The following DCT variants were observed in gnomAD, a reference collection of about 807,000 sequenced individuals.
DCT encodes the protein dopachrome tautomerase.
Under a neutral mutation model 53.0 loss-of-function variants are expected in DCT, and 47 were observed. The observed-to-expected ratio is 0.89, with a 90% CI of 0.70 to 1.13. The LOEUF is 1.13. Ranked by LOEUF, DCT falls within the 50% of genes most tolerant of loss-of-function variation. The pLI, the probability that DCT is intolerant of heterozygous loss-of-function variation, is 0.00. For missense variants in DCT, 669 were observed against 637.4 expected, an observed-to-expected ratio of 1.05 and a Z score of -0.53; for synonymous variants, 244 against 237.0, an observed-to-expected ratio of 1.03 and a Z score of -0.27.
the DCT span, among the ~76,000 whole-genome samples, chr13:94,542,417 C>G: frequency 6.6e-6 from 1 of 152,146 alleles, no homozygotes; most frequent in Admixed American, 6.5e-5. Flanking sequence ...TCTCAAAGTC[C>G]TGACCTCAAG....
chr13:94,467,950 T>C (rs1884340583), intron 2 of DCT: 1 of 152,138 alleles, frequency 6.6e-6, no homozygotes, highest in Non-Finnish European at 1.5e-5. Context: ...TGGCTTTCCT[T>C]TGACTGAAAA....
At chr13:94,471,403 A>C (rs1385311392) in intron 1 of DCT, among the ~76,000 whole-genome samples, 1 of 152,208 alleles carries the variant, frequency 6.6e-6, no homozygotes, top group East Asian at 1.9e-4. Context: ...TGAAAAAAGG[A>C]AAAATTCTAC....
chr13:94,526,216 CT>C, the DCT span, among the ~76,000 whole-genome samples: 9 of 152,352 alleles, frequency 5.9e-5, 1 homozygote, highest in South Asian at 1.9e-3. Context: ...CACACATCTA[CT>C]GAGCCAGTAC....
intron 6 of DCT, chr13:94,445,727 G>T: frequency 6.3e-7 from 1 of 1,587,352 alleles, no homozygotes; most frequent in South Asian, 1.2e-5. Context: ...ACCAGCACAT[G>T]CAGGGAAGGG....
the DCT span, among the ~76,000 whole-genome samples, chr13:94,516,244 C>T: frequency 2.6e-5 from 4 of 151,984 alleles, no homozygotes; most frequent in Non-Finnish European, 5.9e-5. Flanking sequence ...AGATGATGGC[C>T]AAGTGCAGGT....
chr13:94,530,108 C>T, the DCT span, among the ~76,000 whole-genome samples: 36 of 152,164 alleles, frequency 2.4e-4, no homozygotes, highest in Non-Finnish European at 4.9e-4. Flanking sequence ...GAATAGACCT[C>T]AATTTCTGAA....
Position 94,437,727 on chromosome 13 carries a change from T to C in DCT, c.*2171A>G, listed in dbSNP as rs1881989577. On this transcript the variant is annotated 3_prime_UTR_variant, in exon 8 of 8. Transcript: ENST00000377028. ...TTTTATTCTGTTGGTTTATCCTACC[T>C]TAATATTTGTTAAAATGCATTCATA... is the stretch of plus-strand genomic sequence containing the variant. The C allele has an allele frequency of 6.6e-6, 1 of 152,180 alleles. No individual in the cohort carries two copies. Among genetic ancestry groups the C allele is most frequent in the Non-Finnish European group, 1.5e-5 (1 of 68,014 alleles). 9.4% of individuals were successfully genotyped at this position (152,180 alleles called of 1,614,324 possible).
At chr13:94,464,581 A>C (rs1309866406) in intron 4 of DCT, among the ~76,000 whole-genome samples, 1 of 152,114 alleles carries the variant, frequency 6.6e-6, no homozygotes, top group Non-Finnish European at 1.5e-5. Flanking sequence ...CGGAGGTTGC[A>C]GTGAGCCGAG....
the DCT span, among the ~76,000 whole-genome samples, chr13:94,534,757 T>C: frequency 6.6e-6 from 1 of 152,214 alleles, no homozygotes; most frequent in African/African-American, 2.4e-5. Flanking sequence ...GTTACTAAAG[T>C]ACCTTCTAGG....
intron 6 of DCT, among the ~76,000 whole-genome samples, chr13:94,454,557 G>A (rs1267051346): frequency 6.6e-6 from 1 of 152,114 alleles, no homozygotes; most frequent in Non-Finnish European, 1.5e-5. Flanking sequence ...AATTACTAGA[G>A]ATTGCTTCAG....
At chr13:94,529,186 T>A in the DCT span, among the ~76,000 whole-genome samples, 1 of 152,252 alleles carries the variant, frequency 6.6e-6, no homozygotes, top group East Asian at 1.9e-4. Context: ...CATACAATAA[T>A]AATAGGAGAC....
chr13:94,493,937 T>A, the DCT span, among the ~76,000 whole-genome samples: 1 of 152,224 alleles, frequency 6.6e-6, no homozygotes, highest in Non-Finnish European at 1.5e-5. Flanking sequence ...AGTGGGGCAG[T>A]AAGAGGCTGT....
the DCT span, among the ~76,000 whole-genome samples, chr13:94,492,978 C>A: frequency 2.0e-5 from 3 of 152,102 alleles, no homozygotes; most frequent in Non-Finnish European, 4.4e-5. Context: ...GAAATCTTTG[C>A]TCAATCAAAA....
At chr13:94,509,658 A>G in the DCT span, among the ~76,000 whole-genome samples, 1 of 152,200 alleles carries the variant, frequency 6.6e-6, no homozygotes, top group Non-Finnish European at 1.5e-5. Context: ...TGACTGATAC[A>G]TGGGCTCTGG....
chr13:94,478,961 C>T lies in DCT; in HGVS notation c.295G>A (p.Gly99Arg), dbSNP rs1885281067. 1.9e-6 allele frequency: 3 copies of T among 1,607,004 alleles called. No individual in the cohort carries two copies. The East Asian group carries it at 6.7e-5, about 36-fold the overall frequency. ...ACCAAGCTTGGAGCATGGGCCTCAC[C>T]TGTGCACTTGCAGGTCCGGTGGAAG... The part of the protein sequence containing the change: ...KFFHRTCKCT[G>R]NFAGYNCGDC... Residue 99 changes from glycine to arginine, a missense_variant and splice_region_variant, in exon 1 of 8, where the codon GGA (glycine) becomes AGA (arginine). Gly to Arg is a moderately radical substitution (Grantham distance 125). Transcript: ENST00000377028.
chr13:94,525,009 A>G, the DCT span, among the ~76,000 whole-genome samples: 1 of 152,172 alleles, frequency 6.6e-6, no homozygotes, highest in Non-Finnish European at 1.5e-5. Context: ...GAAACCACCA[A>G]AAGCTAGGGA....
At chr13:94,477,221 G>A (rs912044090) in intron 1 of DCT, among the ~76,000 whole-genome samples, 3 of 151,976 alleles carry the variant, frequency 2.0e-5, no homozygotes, top group African/African-American at 7.3e-5. Context: ...TCAGCCCCCA[G>A]AGTAGCTGGG....
At chr13:94,527,899 T>G in the DCT span, among the ~76,000 whole-genome samples, 1 of 152,042 alleles carries the variant, frequency 6.6e-6, no homozygotes, top group East Asian at 1.9e-4. Flanking sequence ...GAAAAAAGGT[T>G]AGATGAATGG....
At chr13:94,469,170 G>T in intron 1 of DCT, 125 bp from the exon 2 acceptor site, 1 of 782,984 alleles carries the variant, frequency 1.3e-6, no homozygotes, top group Non-Finnish European at 2.1e-6. Context: ...GGCAAAGAAA[G>T]TCAATTTTCC....
Sources: allele counts gnomAD v4.1 joint callset (sites outside exome capture counted in the v4.1 genomes callset), GRCh38; gene constraint gnomAD v4.1.1; transcripts MANE v1.5; gene names NCBI Gene and HGNC (gene_info 2026-07-23, HGNC 2026-07-21).